RNF32: variants seen among roughly 807,000 people sequenced by gnomAD.
RNF32 encodes ring finger protein 32.
A neutral mutation model predicts 41.0 loss-of-function variants in RNF32; 36 were observed. The observed-to-expected ratio is 0.88, with a 90% CI of 0.67 to 1.16. The LOEUF (loss-of-function observed/expected upper bound fraction) is 1.16. RNF32 is among the 50% of genes most tolerant of loss of function. The probability of loss-of-function intolerance (pLI) is 0.00; values close to 1 mark genes in which losing one functional copy is unlikely to be tolerated. For missense variants in RNF32, 413 were observed against 436.7 expected (o/e 0.95, Z 0.48); for synonymous variants, 154 against 160.9 (o/e 0.96, Z 0.32).
At chr7:156,665,485 C>G (rs774305125) in intron 7 of RNF32, among the ~76,000 whole-genome samples, 2 of 152,194 alleles carry the variant, frequency 1.3e-5, no homozygotes, top group Non-Finnish European at 2.9e-5. Flanking sequence ...GTTTTTAAGT[C>G]TGGGAATAAC....
At position 156,675,676 on chromosome 7, in the gene RNF32, C is replaced by A; in HGVS notation, c.685-20C>A. 3.8e-6 allele frequency: 6 copies of A among 1,594,520 alleles called. No homozygotes were observed. Among genetic ancestry groups the A allele is most frequent in the African/African-American group, 1.3e-5 (1 of 74,716 alleles). ...CACCGAGCTCAGGTGTGAGCTTACC[C>A]GCCCCCGCCTCCTCCTCAGTTCACA... On this transcript the variant is annotated intron_variant, in intron 7 of 8. Coordinates refer to ENST00000317955, the MANE Select transcript of RNF32 (RefSeq NM_030936.4).
At chr7:156,659,693 T>G (rs1252426401) in intron 7 of RNF32, 1 of 900,264 alleles carries the variant, frequency 1.1e-6, no homozygotes, top group African/African-American at 1.8e-5. Context: ...ACTGAAAGTG[T>G]TGGTGGTCTC....
At chr7:156,674,598 C>A (rs1186370589) in intron 7 of RNF32, among the ~76,000 whole-genome samples, 1 of 152,118 alleles carries the variant, frequency 6.6e-6, no homozygotes, top group Admixed American at 6.5e-5. Flanking sequence ...ATGGCTTGAG[C>A]CCGGGAGGCC....
chr7:156,655,281 CAT>C (rs66559168), intron 4 of RNF32, among the ~76,000 whole-genome samples: 22 of 150,472 alleles, frequency 1.5e-4, no homozygotes, highest in Admixed American at 2.6e-4. Flanking sequence ...AGAGAGAATG[CAT>C]ATATATATAT....
intron 1 of RNF32, among the ~76,000 whole-genome samples, chr7:156,643,506 G>T (rs1310500756): frequency 6.6e-6 from 1 of 152,146 alleles, no homozygotes; most frequent in Non-Finnish European, 1.5e-5. Flanking sequence ...AAGTTTTGTA[G>T]TACTTATGTA....
At chr7:156,640,567 C>CG (rs1205830195), upstream of RNF32, 1 of 397,338 alleles carries the variant, frequency 2.5e-6, no homozygotes, top group East Asian at 9.7e-5. Context: ...GTGCGCGGGG[C>CG]GGGGGCCGGC....
At chr7:156,652,675 A>C (rs937344120) in intron 3 of RNF32, among the ~76,000 whole-genome samples, 6 of 152,160 alleles carry the variant, frequency 3.9e-5, no homozygotes, top group Non-Finnish European at 8.8e-5. Context: ...TTTGTGTCTT[A>C]GTTTTTAACA....
In RNF32 at chr7:156,661,821, TA is replaced by T. The variant is rs1407619134; in HGVS notation, c.684+3252del. On this transcript the variant is annotated intron_variant, in intron 7 of 8. Coordinates refer to ENST00000317955, the MANE Select transcript of RNF32 (RefSeq NM_030936.4). The stretch of plus-strand genomic sequence containing the variant: ...GGTTGTAGATATCAGCAGTCTGCAT[TA>T]TCAATAACTGCCACCTTAAACATAA... Among the ~76,000 whole-genome samples the T allele has an allele frequency of 3.3e-5, 5 of 152,346 alleles. No homozygotes were observed. In the East Asian group the frequency reaches 9.6e-4, roughly 29 times the overall value.
intron 7 of RNF32, among the ~76,000 whole-genome samples, chr7:156,671,235 G>T (rs975858063): frequency 2.0e-5 from 3 of 152,218 alleles, no homozygotes; most frequent in Admixed American, 2.0e-4. Flanking sequence ...TGCACCGTTT[G>T]TCTGTCAGTA....
intron 3 of RNF32, among the ~76,000 whole-genome samples, chr7:156,650,297 G>A (rs1252187692): frequency 6.6e-6 from 1 of 152,194 alleles, no homozygotes; most frequent in Non-Finnish European, 1.5e-5. Context: ...AGGCAGGGGA[G>A]AAAGCTCCCA....
intron 8 of RNF32, 125 bp from the exon 9 acceptor site, chr7:156,676,294 G>C: frequency 6.3e-7 from 1 of 1,594,834 alleles, no homozygotes; most frequent in Non-Finnish European, 8.5e-7. Context: ...TTTTAACACA[G>C]AATGAAACTT....
intron 7 of RNF32, among the ~76,000 whole-genome samples, chr7:156,664,541 C>T (rs759625498): frequency 5.3e-5 from 8 of 151,972 alleles, no homozygotes; most frequent in Non-Finnish European, 7.4e-5. Context: ...GCAAAATGAT[C>T]ATCTTGATTT....
chr7:156,642,493 C>T (rs1248377783), intron 1 of RNF32, among the ~76,000 whole-genome samples: 1 of 152,264 alleles, frequency 6.6e-6, no homozygotes, highest in East Asian at 1.9e-4. Context: ...ACAGGAGCCA[C>T]TTCTCAGCCC....
In RNF32 at chr7:156,644,631, A is replaced by G; in HGVS notation, c.148A>G (p.Lys50Glu). The G allele has an allele frequency of 1.9e-6, 3 of 1,613,530 alleles. No homozygotes were observed. Among genetic ancestry groups the G allele is most frequent in the Non-Finnish European group, 1.7e-6 (2 of 1,179,494 alleles). The change falls in exon 3 of 9, where the codon AAA becomes GAA. Residue 50 changes from lysine to glutamate, a missense_variant. Transcript: ENST00000317955. ...SKTQVQKKENKSLKRDTKAII... is the reference protein window; with the variant it reads ...SKTQVQKKENESLKRDTKAII... ...GACACAAGTACAAAAGAAAGAGAAC[A>G]AATCTCTAAAAAGAGATACAAAGGC...
At chr7:156,659,710 T>C (rs1025722939) in intron 7 of RNF32, 18 of 822,458 alleles carry the variant, frequency 2.2e-5, no homozygotes, top group South Asian at 5.6e-5. Context: ...TCTCAGCCCA[T>C]TGAACTGGAC....
rs1222277703 is a variant in RNF32 at position 156,670,981 on chromosome 7, C to A, written c.685-4715C>A. On this transcript the variant is annotated intron_variant, in intron 7 of 8. Transcript: ENST00000317955. This position sits in a 1 kb window ranked among gnomAD's most constrained non-coding sequence, Gnocchi z 4.3. ...GTTAAAAGAGAGAGAGAGCTTATGA[C>A]AAAAATAACATAAAGCAGGAGAGGA... Among the ~76,000 whole-genome samples the A allele has an allele frequency of 6.6e-6, 1 of 152,088 alleles. No homozygotes were observed. Among genetic ancestry groups the A allele is most frequent in the Non-Finnish European group, 1.5e-5 (1 of 68,016 alleles).
chr7:156,663,697 T>C (rs1294076896), intron 7 of RNF32, among the ~76,000 whole-genome samples: 1 of 152,116 alleles, frequency 6.6e-6, no homozygotes, highest in African/African-American at 2.4e-5. Flanking sequence ...ATATATAAAT[T>C]TGGCAACTAA....
chr7:156,643,922 T>TTA (rs1448082110), intron 2 of RNF32, 30 bp downstream of exon 2: 22 of 1,574,558 alleles, frequency 1.4e-5, no homozygotes, highest in Non-Finnish European at 1.9e-5. Context: ...AACATACACG[T>TTA]TATTTGACTC....
At chr7:156,654,377 A>G (rs1014831) in intron 3 of RNF32, 199 bp from the exon 4 acceptor site, 166,414 of 480,944 alleles carry the variant, frequency 0.35, 30,443 homozygotes, top group African/African-American at 0.5. Context: ...ACCATCTTCT[A>G]TCAGGGACTT....
Sources: allele counts gnomAD v4.1 joint callset (sites outside exome capture counted in the v4.1 genomes callset), GRCh38; gene constraint gnomAD v4.1.1; non-coding constraint Gnocchi (gnomAD v3.1); transcripts MANE v1.5; gene names NCBI Gene and HGNC (gene_info 2026-07-23, HGNC 2026-07-21).